AFF4: variants seen among roughly 807,000 people sequenced by gnomAD.
The protein encoded by AFF4 is ALF transcription elongation factor 4.
A neutral mutation model predicts 124.8 loss-of-function variants in AFF4; 13 were observed. That is an observed-to-expected ratio of 0.10 (90% CI 0.07 to 0.17). AFF4 has a LOEUF of 0.17. Among genes scored for constraint, AFF4 ranks in the 10% least tolerant of loss-of-function variants. AFF4 has a pLI of 1.00. For synonymous variants in AFF4, 477 were observed against 496.1 expected, an observed-to-expected ratio of 0.96 and a Z score of 0.51; for missense variants, 1,092 against 1,403.8, an observed-to-expected ratio of 0.78 and a Z score of 3.55.
In AFF4 at chr5:132,883,574, A is replaced by G; in HGVS notation, c.3144-14T>C. On this transcript the variant is annotated splice_polypyrimidine_tract_variant and intron_variant, in intron 19 of 20. Transcript: ENST00000265343. The stretch of plus-strand genomic sequence containing the variant: ...CCCACAGCTTTGCTACACAACAGAA[A>G]TAGGAAGCTTGTTCATATGGACATG... 1 of 1,611,378 alleles carries G rather than the reference A, an allele frequency of 6.2e-7. No individual in the cohort carries two copies.
chr5:132,891,444 G>C (rs1233635931), intron 13 of AFF4, among the ~76,000 whole-genome samples: 1 of 152,020 alleles, frequency 6.6e-6, no homozygotes, highest in Admixed American at 6.5e-5. Flanking sequence ...CAAACAACCT[G>C]GTAAACAAAT....
chr5:132,898,424 GTTTA>G (rs761895101), intron 9 of AFF4, 32 bp from the exon 10 acceptor site: 2 of 1,591,416 alleles, frequency 1.3e-6, no homozygotes, highest in Non-Finnish European at 1.7e-6. Context: ...AATGTCCAAA[GTTTA>G]TTTTACATTG....
rs1358909254 is a variant in AFF4, at chr5:132,898,998, A to G, written c.1226+106T>C. 3 of 1,000,090 alleles carry G rather than the reference A, an allele frequency of 3.0e-6. No individual in the cohort carries two copies. The East Asian group carries it at 7.3e-5, about 24-fold the overall frequency. The allele number at this position is 1,000,090 out of a possible 1,614,324, so 62.0% of individuals were successfully genotyped here. On this transcript the variant is annotated intron_variant, in intron 9 of 20. Coordinates refer to ENST00000265343, the MANE Select transcript of AFF4 (RefSeq NM_014423.4). Reference sequence around the variant, plus strand: ...ACTTAATTTACAGAATTGTACAACCATTATCAAAATTAATATTTACTTATA... The same window carrying G: ...ACTTAATTTACAGAATTGTACAACCGTTATCAAAATTAATATTTACTTATA...
rs1339920102 is a variant in AFF4 at position 132,929,704 on chromosome 5, G to A, written c.963+2474C>T. 2.0e-5 allele frequency among the ~76,000 whole-genome samples: 3 copies of A among 152,196 alleles called. No individual in the cohort carries two copies. The East Asian group carries it at 5.8e-4, about 29-fold the overall frequency. ...CCAGTTTAGCAAAAGCGGTCAGTCA[G>A]TAATGAGAGAGGTTAGGATTGGCCT... On this transcript the variant is annotated intron_variant, in intron 4 of 20. Transcript: ENST00000265343.
At chr5:132,894,731 G>A (rs1168659928) in intron 11 of AFF4, among the ~76,000 whole-genome samples, 3 of 152,256 alleles carry the variant, frequency 2.0e-5, no homozygotes, top group African/African-American at 4.8e-5. Context: ...GGAGGCTGAG[G>A]TGGGAGGACT....
At chr5:132,946,110 C>G (rs2150107532) in intron 1 of AFF4, among the ~76,000 whole-genome samples, 1 of 152,084 alleles carries the variant, frequency 6.6e-6, no homozygotes, top group African/African-American at 2.4e-5. Flanking sequence ...GAAAAAAACC[C>G]ACAATATCAC....
chr5:132,897,424 A>G (rs1224688506), intron 10 of AFF4, among the ~76,000 whole-genome samples, 184 bp from the exon 11 acceptor site: 4 of 152,220 alleles, frequency 2.6e-5, no homozygotes, highest in African/African-American at 9.6e-5. Flanking sequence ...GAATAAGAAG[A>G]TAAGTGGCCA....
intron 1 of AFF4, among the ~76,000 whole-genome samples, chr5:132,953,341 G>A (rs67551921): frequency 0.12 from 17,507 of 152,024 alleles, 1,278 homozygotes; most frequent in South Asian, 0.2. Flanking sequence ...CCTTAGGTAA[G>A]TGCTCCTCCC....
intron 5 of AFF4, among the ~76,000 whole-genome samples, chr5:132,906,532 T>C (rs558627130): frequency 6.6e-6 from 1 of 152,226 alleles, no homozygotes; most frequent in African/African-American, 2.4e-5. Context: ...TACTACATTA[T>C]ACTATTTATA....
intron 17 of AFF4, 113 bp from the exon 18 acceptor site, chr5:132,886,516 C>T (rs1581269219): frequency 1.1e-6 from 1 of 895,732 alleles, no homozygotes; most frequent in East Asian, 2.5e-5. Context: ...TGGCATAGGC[C>T]ACAACATTAA....
intron 1 of AFF4, among the ~76,000 whole-genome samples, chr5:132,949,209 C>CTTTTTTTTTTTT (rs368713051): frequency 8.9e-6 from 1 of 112,232 alleles, no homozygotes. Context: ...TTATTTCTGC[C>CTTTTTTTTTTTT]TTTTTTTTTT....
At position 132,892,357 on chromosome 5, in the gene AFF4, G is replaced by A. The variant is rs779919885; in HGVS notation, c.2444C>T (p.Pro815Leu). 3.1e-6 allele frequency: 5 copies of A among 1,613,882 alleles called. No individual in the cohort carries two copies. The highest frequency in any genetic ancestry group is 3.4e-6 in the Non-Finnish European group (4 of 1,179,862). ...AAKEKDLLPS[P>L]AGPVPSKDPK... ...ATCTTTTGAAGGAACAGGCCCAGCG[G>A]GAGAAGGCAACAAATCCTTTTCTTT... Residue 815 changes from proline (P) to leucine (L), a missense_variant, in exon 13 of 21, where the codon CCC becomes CTC. Physicochemically the swap from Pro to Leu is moderately conservative, Grantham distance 98 (BLOSUM62 -3). Coordinates refer to ENST00000265343, the MANE Select transcript of AFF4 (RefSeq NM_014423.4).
rs770702610 is a variant in AFF4, at chr5:132,896,858, T to A, written c.1772A>T (p.Asp591Val). ...GCTGGAGGGCATGCTGCTAGCCAAGTCTACAGGGGTTTCACTTTCTATCTT... is the reference window on the plus strand; with the variant it reads ...GCTGGAGGGCATGCTGCTAGCCAAGACTACAGGGGTTTCACTTTCTATCTT... ...GLKIESETPV[D>V]LASSMPSSRH... The change falls in exon 11 of 21, where the codon GAC becomes GTC. Residue 591 changes from aspartate (D) to valine (V), a missense_variant. By Grantham distance (152) the Asp-to-Val change is radical. Around this residue, in one of 11 missense-constraint regions of AFF4, gnomAD observed 174 missense variants for 205.9 expected, o/e 0.84. Coordinates refer to ENST00000265343, the MANE Select transcript of AFF4 (RefSeq NM_014423.4). 1 of 1,614,012 alleles carries A rather than the reference T, an allele frequency of 6.2e-7. No individual in the cohort carries two copies. Among genetic ancestry groups the A allele is most frequent in the Admixed American group, 1.7e-5 (1 of 59,978 alleles).
At position 132,897,313 on chromosome 5, in the gene AFF4, C is replaced by A. The variant is rs1760432808; in HGVS notation, c.1390-73G>T. The A allele has an allele frequency of 6.7e-6, 10 of 1,499,318 alleles. No individual in the cohort carries two copies. The South Asian group carries it at 1.2e-4, about 17-fold the overall frequency. 92.9% of individuals were successfully genotyped at this position (1,499,318 alleles called of 1,614,324 possible). The stretch of plus-strand genomic sequence containing the variant: ...TTTCGTTCTCCCTCCTTTACAACCT[C>A]AAAGAAGAGGAAAAACCACAATGCC... On this transcript the variant is annotated intron_variant, in intron 10 of 20. Transcript: ENST00000265343.
intron 5 of AFF4, among the ~76,000 whole-genome samples, chr5:132,909,489 A>T (rs1760743661): frequency 2.0e-5 from 3 of 152,154 alleles, no homozygotes; most frequent in African/African-American, 4.8e-5. Flanking sequence ...ATTATTTTTT[A>T]AAAATACATT....
At chr5:132,884,998 T>C in intron 19 of AFF4, 78 bp downstream of exon 19, 1 of 971,586 alleles carries the variant, frequency 1.0e-6, no homozygotes, top group East Asian at 2.6e-5. Flanking sequence ...TAGTCATCTT[T>C]CCATTTTTGG....
rs186308916 is a variant in AFF4, at chr5:132,909,365, A to T, written c.1051-4961T>A. On this transcript the variant is annotated intron_variant, in intron 5 of 20. Coordinates refer to ENST00000265343, the MANE Select transcript of AFF4 (RefSeq NM_014423.4). Reference sequence around the variant, plus strand: ...GCCATGGTGGCCAGGCTGGTCTTGAACTCCTGATCTCAGGTGATCCACCCG... The same window carrying T: ...GCCATGGTGGCCAGGCTGGTCTTGATCTCCTGATCTCAGGTGATCCACCCG... 1.7e-4 allele frequency among the ~76,000 whole-genome samples: 25 copies of T among 150,518 alleles called. No homozygotes were observed. The East Asian group carries it at 4.7e-3, about 29-fold the overall frequency.
At position 132,937,203 on chromosome 5, in the gene AFF4, G is replaced by C. The variant is rs899912592; in HGVS notation, c.-4-10C>G. Reference sequence around the variant, plus strand: ...TTCACGGTTCATGTTGCTATGAAAAGAAACACAATCTTTGTATCACAGAAA... The same window carrying C: ...TTCACGGTTCATGTTGCTATGAAAACAAACACAATCTTTGTATCACAGAAA... On this transcript the variant is annotated splice_polypyrimidine_tract_variant and intron_variant, in intron 1 of 20. Coordinates refer to ENST00000265343, the MANE Select transcript of AFF4 (RefSeq NM_014423.4). 8.1e-6 allele frequency: 13 copies of C among 1,598,212 alleles called. No homozygotes were observed. In the African/African-American group the frequency reaches 1.2e-4, roughly 15 times the overall value.
chr5:132,898,964 A>G (rs1760480225), intron 9 of AFF4, 140 bp downstream of exon 9: 3 of 760,376 alleles, frequency 3.9e-6, no homozygotes, highest in South Asian at 4.3e-5. Context: ...TTAAGTGTAT[A>G]ATTCAATGAC....
Sources: gnomAD v4.1 joint callset for allele counts (sites outside exome capture counted in the v4.1 genomes callset) on GRCh38, gnomAD v4.1.1 for gene constraint, gnomAD v4.1.1 regional missense constraint, MANE v1.5 for transcripts, NCBI Gene and HGNC (gene_info 2026-07-23, HGNC 2026-07-21) for gene names.